Variants in DNAH9 observed in about 807,000 individuals in gnomAD.
The protein encoded by DNAH9 is dynein axonemal heavy chain 9.
DNAH9 carries 345 observed loss-of-function variants against 471.6 expected under a neutral mutation model. The observed-to-expected ratio is 0.73, with a 90% confidence interval of 0.67 to 0.80. DNAH9 has a LOEUF of 0.80. Ranked by LOEUF, DNAH9 falls within the 30% of genes least tolerant of loss-of-function variation. The pLI is 0.00. For synonymous variants in DNAH9, 2,093 were observed against 2,123.6 expected (o/e 0.99, Z 0.40); for missense variants, 5,407 against 5,609.2 (o/e 0.96, Z 1.15).
At chr17:11,625,549 C>T (rs2072954327) in intron 6 of DNAH9, among the ~76,000 whole-genome samples, 1 of 152,188 alleles carries the variant, frequency 6.6e-6, no homozygotes, top group Admixed American at 6.5e-5. Flanking sequence ...CTGCTTTGTG[C>T]TCTCCCTTAA....
intron 28 of DNAH9, among the ~76,000 whole-genome samples, chr17:11,737,861 T>C (rs1047779715): frequency 6.6e-6 from 1 of 152,212 alleles, no homozygotes; most frequent in African/African-American, 2.4e-5. Context: ...GGGGGATGGC[T>C]ATGAGGAGTT....
intron 28 of DNAH9, among the ~76,000 whole-genome samples, chr17:11,732,522 C>T (rs2075285392): frequency 6.6e-6 from 1 of 151,978 alleles, no homozygotes; most frequent in Non-Finnish European, 1.5e-5. Context: ...TTCCCAGTAA[C>T]TCCTACAGAA....
intron 67 of DNAH9, among the ~76,000 whole-genome samples, chr17:11,952,379 C>T (rs1975414455): frequency 7.5e-6 from 1 of 133,004 alleles, no homozygotes; most frequent in Non-Finnish European, 1.5e-5. Context: ...GCTGGTTTCA[C>T]ACTCCCGGGC....
intron 67 of DNAH9, among the ~76,000 whole-genome samples, chr17:11,960,593 C>A (rs1286019810): frequency 6.6e-6 from 1 of 151,704 alleles, no homozygotes; most frequent in Non-Finnish European, 1.5e-5. Flanking sequence ...AACCCCATCT[C>A]TACTAAAAAT....
chr17:11,603,169 T>C (rs2072422006), intron 1 of DNAH9, among the ~76,000 whole-genome samples: 2 of 152,238 alleles, frequency 1.3e-5, no homozygotes, highest in African/African-American at 4.8e-5. Context: ...AATGGGCTCC[T>C]CTTTAAATAC....
chr17:11,725,833 C>T (rs993884985), intron 27 of DNAH9, among the ~76,000 whole-genome samples: 1 of 152,084 alleles, frequency 6.6e-6, no homozygotes. Flanking sequence ...CGCCACTGCA[C>T]TCCAGCCTGG....
intron 49 of DNAH9, among the ~76,000 whole-genome samples, chr17:11,846,989 C>A (rs900971865): frequency 6.6e-6 from 1 of 151,354 alleles, no homozygotes; most frequent in Non-Finnish European, 1.5e-5. Flanking sequence ...AATTGAATAC[C>A]CTTTATTTCC....
rs866165930 is a variant in DNAH9 at position 11,784,451 on chromosome 17, T to TCCAC, written c.7975_7978dup (p.Gln2660ProfsTer52). ...CCACTGATCGATCTGGCCCTCGCCT[T>TCCAC]CCACCAGAAAATTGCTACCACCTTC... On this transcript the variant is annotated frameshift_variant, in exon 41 of 69. Coordinates refer to ENST00000262442, the MANE Select transcript of DNAH9 (RefSeq NM_001372.4). LOFTEE classifies it high-confidence loss of function. 6.2e-7 allele frequency: 1 copy of TCCAC among 1,614,078 alleles called. No homozygotes were observed. The highest frequency in any genetic ancestry group is 1.3e-5 in the African/African-American group (1 of 74,942).
intron 1 of DNAH9, among the ~76,000 whole-genome samples, chr17:11,606,656 G>A (rs987678404): frequency 2.0e-5 from 3 of 151,750 alleles, no homozygotes; most frequent in Non-Finnish European, 4.4e-5. Flanking sequence ...CACCATGTTG[G>A]CCAGGATGGT....
intron 60 of DNAH9, among the ~76,000 whole-genome samples, chr17:11,905,245 A>AG (rs1391222549): frequency 6.7e-6 from 1 of 150,112 alleles, no homozygotes; most frequent in South Asian, 2.1e-4. Flanking sequence ...AAAAAAAAAA[A>AG]AGAGAGAGAA....
intron 59 of DNAH9, among the ~76,000 whole-genome samples, chr17:11,896,265 A>G (rs1216759917): frequency 6.6e-6 from 1 of 152,122 alleles, no homozygotes; most frequent in African/African-American, 2.4e-5. Flanking sequence ...TTCAGTATAT[A>G]TTTTACTTTG....
In DNAH9 at chr17:11,793,600, T is replaced by C. The variant is rs1257839289; in HGVS notation, c.8159T>C (p.Val2720Ala). The C allele has an allele frequency of 3.7e-6, 6 of 1,613,920 alleles. No homozygotes were observed. The highest frequency in any genetic ancestry group is 2.7e-5 in the African/African-American group (2 of 75,002). ...ESNRVYRDKM[V>A]EEKDFDLFDK... The stretch of plus-strand genomic sequence containing the variant: ...AATCGAGTTTATCGGGATAAGATGG[T>C]AGAAGAAAAGGACTTTGATCTTTTT... Residue 2720 changes from valine to alanine, a missense_variant, in exon 42 of 69, where the codon GTA becomes GCA. Physicochemically the swap from Val to Ala is moderately conservative, Grantham distance 64. Around this residue, in one of 3 missense-constraint regions of DNAH9, gnomAD observed 4,636 missense variants for 4,900.3 expected, o/e 0.95. Transcript: ENST00000262442.
At chr17:11,959,729 T>C (rs1368123921) in intron 67 of DNAH9, among the ~76,000 whole-genome samples, 1 of 152,252 alleles carries the variant, frequency 6.6e-6, no homozygotes, top group African/African-American at 2.4e-5. Flanking sequence ...TTACATCCCA[T>C]GGAGCCTTGA....
intron 27 of DNAH9, among the ~76,000 whole-genome samples, chr17:11,721,898 C>T (rs74934478): frequency 0.012 from 1,796 of 152,138 alleles, 37 homozygotes; most frequent in African/African-American, 0.041. Context: ...ATGTGGAGGA[C>T]GTGATACCCA....
At chr17:11,614,390 T>G (rs2072700092) in intron 4 of DNAH9, among the ~76,000 whole-genome samples, 2 of 152,012 alleles carry the variant, frequency 1.3e-5, no homozygotes, top group African/African-American at 4.8e-5. Flanking sequence ...TGGAGGAAAA[T>G]ATGCAGGAAC....
intron 50 of DNAH9, among the ~76,000 whole-genome samples, chr17:11,863,189 C>T (rs536660860): frequency 0.011 from 1,634 of 152,232 alleles, 39 homozygotes; most frequent in African/African-American, 0.037. Context: ...TTTTGAGATA[C>T]GTCCCATCAA....
chr17:11,762,546 C>A (rs1309989201), intron 35 of DNAH9, among the ~76,000 whole-genome samples: 3 of 152,048 alleles, frequency 2.0e-5, no homozygotes, highest in Non-Finnish European at 4.4e-5. Context: ...CAGGCCAGGG[C>A]AGAGTTACAG....
intron 52 of DNAH9, among the ~76,000 whole-genome samples, chr17:11,872,886 C>G (rs1299967071): frequency 2.6e-5 from 4 of 152,220 alleles, no homozygotes; most frequent in African/African-American, 7.2e-5. Context: ...CACCACTGCA[C>G]TCCAGCCTGG....
intron 41 of DNAH9, among the ~76,000 whole-genome samples, chr17:11,788,209 G>A (rs1597648822): frequency 6.6e-6 from 1 of 152,146 alleles, no homozygotes. Flanking sequence ...TGGACTCCTG[G>A]TTGTTGCTTT....
Sources: allele counts gnomAD v4.1 joint callset (sites outside exome capture counted in the v4.1 genomes callset), GRCh38; gene constraint gnomAD v4.1.1; regional missense constraint gnomAD v4.1.1; transcripts MANE v1.5; gene names NCBI Gene and HGNC (gene_info 2026-07-23, HGNC 2026-07-21).